Variants in ASPRV1 observed in about 807,000 individuals in gnomAD.
The protein encoded by ASPRV1 is retroviral-like aspartic protease 1.
Under a neutral mutation model 11.0 loss-of-function variants are expected in ASPRV1, and 7 were observed. The observed-to-expected ratio is 0.64, with a 90% CI of 0.36 to 1.20. The LOEUF is 1.20. Among genes scored for constraint, ASPRV1 ranks in the 50% most tolerant of loss-of-function variants. ASPRV1 has a pLI of 0.02. For synonymous variants in ASPRV1, 136 were observed against 138.4 expected (o/e 0.98, Z 0.12); for missense variants, 299 against 320.0 (o/e 0.93, Z 0.50).
chr2:70,077,939 G>A, the ASPRV1 span, among the ~76,000 whole-genome samples: 1 of 151,956 alleles, frequency 6.6e-6, no homozygotes, highest in Non-Finnish European at 1.5e-5. Context: ...AGGCGGAGGT[G>A]GGGTGGATCA....
At chr2:70,083,723 G>A in the ASPRV1 span, 1 of 152,110 alleles carries the variant, frequency 6.6e-6, no homozygotes, top group Admixed American at 6.5e-5. Flanking sequence ...CAAAAGTGCA[G>A]AAAACATTTA....
chr2:70,029,469 T>C, the ASPRV1 span, among the ~76,000 whole-genome samples: 1 of 151,920 alleles, frequency 6.6e-6, no homozygotes, highest in Admixed American at 6.6e-5. Flanking sequence ...TGAAACCCCA[T>C]CTCTGCTAAA....
chr2:70,084,724 A>G, the ASPRV1 span, among the ~76,000 whole-genome samples: 1 of 152,202 alleles, frequency 6.6e-6, no homozygotes, highest in East Asian at 1.9e-4. Flanking sequence ...GTGTGCATAA[A>G]TGTCTTAAAT....
chr2:69,956,854 C>A (rs1299034987), downstream of ASPRV1, among the ~76,000 whole-genome samples: 1 of 152,164 alleles, frequency 6.6e-6, no homozygotes, highest in East Asian at 1.9e-4. Context: ...CTGCCCGAAA[C>A]CCACAGCCCG....
At chr2:70,066,269 G>A in the ASPRV1 span, among the ~76,000 whole-genome samples, 328 of 151,164 alleles carry the variant, frequency 2.2e-3, 1 homozygote, top group Non-Finnish European at 3.8e-3. Flanking sequence ...ATGGAGTTTC[G>A]CTCTTGTTGC....
At chr2:70,052,961 A>G in the ASPRV1 span, among the ~76,000 whole-genome samples, 3 of 152,172 alleles carry the variant, frequency 2.0e-5, no homozygotes, top group Non-Finnish European at 4.4e-5. Flanking sequence ...CACAAGGCCT[A>G]CATCTTTCTA....
the ASPRV1 span, among the ~76,000 whole-genome samples, chr2:69,999,548 C>T: frequency 2.0e-5 from 3 of 149,924 alleles, no homozygotes; most frequent in African/African-American, 4.9e-5. Flanking sequence ...CCTGGCTACT[C>T]GGCAGGCTAA....
chr2:70,054,576 CAATAAATA>C, the ASPRV1 span, among the ~76,000 whole-genome samples: 34 of 149,176 alleles, frequency 2.3e-4, no homozygotes, highest in South Asian at 3.8e-3. Flanking sequence ...GACTCCGTCT[CAATAAATA>C]AATAAATAAA....
the ASPRV1 span, among the ~76,000 whole-genome samples, chr2:70,061,098 T>C: frequency 6.6e-6 from 1 of 151,174 alleles, no homozygotes; most frequent in Non-Finnish European, 1.5e-5. Context: ...TACTTGACAA[T>C]TAAAGGCAAA....
the ASPRV1 span, among the ~76,000 whole-genome samples, chr2:70,065,187 T>C: frequency 6.6e-6 from 1 of 151,318 alleles, no homozygotes; most frequent in Admixed American, 6.6e-5. Flanking sequence ...GGCGGGTGGA[T>C]CATGAGGTCA....
chr2:69,987,582 CAAAAAA>C, the ASPRV1 span, among the ~76,000 whole-genome samples: 7 of 48,358 alleles, frequency 1.4e-4, no homozygotes, highest in South Asian at 4.8e-3. Flanking sequence ...CTCATCTCTA[CAAAAAA>C]AAAAAAAAAA....
At chr2:70,038,660 G>A in the ASPRV1 span, among the ~76,000 whole-genome samples, 3 of 152,208 alleles carry the variant, frequency 2.0e-5, no homozygotes, top group Non-Finnish European at 4.4e-5. Context: ...GAACCCAGAA[G>A]TGATTTTAGG....
chr2:69,950,738 G>T, the ASPRV1 span, among the ~76,000 whole-genome samples: 1 of 152,082 alleles, frequency 6.6e-6, no homozygotes, highest in African/African-American at 2.4e-5. Context: ...AGCTATTCTG[G>T]AGGCTGAGGC....
the ASPRV1 span, among the ~76,000 whole-genome samples, chr2:70,029,587 C>T: frequency 2.6e-5 from 4 of 152,052 alleles, no homozygotes; most frequent in Non-Finnish European, 5.9e-5. Flanking sequence ...TGCAGTGAGC[C>T]GAGATTGTGC....
At chr2:69,979,393 C>A in the ASPRV1 span, among the ~76,000 whole-genome samples, 1 of 152,192 alleles carries the variant, frequency 6.6e-6, no homozygotes, top group Admixed American at 6.5e-5. Flanking sequence ...TCCTTTGCCT[C>A]TTTGTTTCAG....
At chr2:69,949,497 A>G in the ASPRV1 span, among the ~76,000 whole-genome samples, 1 of 152,170 alleles carries the variant, frequency 6.6e-6, no homozygotes, top group East Asian at 1.9e-4. Flanking sequence ...CGGGTTTTGG[A>G]AAAATCCAGG....
At chr2:70,080,626 G>A in the ASPRV1 span, among the ~76,000 whole-genome samples, 1 of 152,152 alleles carries the variant, frequency 6.6e-6, no homozygotes, top group Non-Finnish European at 1.5e-5. Flanking sequence ...TGGACAGGAA[G>A]TATAATTTCT....
At chr2:69,945,090 C>G in the ASPRV1 span, among the ~76,000 whole-genome samples, 1 of 152,090 alleles carries the variant, frequency 6.6e-6, no homozygotes, top group Non-Finnish European at 1.5e-5. Context: ...CCACTTAGGC[C>G]TTCCCATCAA....
chr2:69,942,986 C>G, the ASPRV1 span: 1 of 152,266 alleles, frequency 6.6e-6, no homozygotes, highest in South Asian at 2.1e-4. Context: ...TTTACCCTTT[C>G]GTGGTTGTCC....
Sources: gnomAD v4.1 joint callset for allele counts (sites outside exome capture counted in the v4.1 genomes callset) on GRCh38, gnomAD v4.1.1 for gene constraint, MANE v1.5 for transcripts, NCBI Gene and HGNC (gene_info 2026-07-23, HGNC 2026-07-21) for gene names.